Variants in DISC1 observed in about 807,000 individuals in gnomAD.
The protein encoded by DISC1 is disrupted in schizophrenia 1 protein.
In DISC1, 57 loss-of-function variants were observed where a neutral mutation model predicts 84.5. The ratio of observed to expected loss-of-function variants is 0.67; its 90% confidence interval spans 0.55 to 0.84. The LOEUF (loss-of-function observed/expected upper bound fraction) is 0.84. Ranked by LOEUF, DISC1 falls within the 40% of genes least tolerant of loss-of-function variation. DISC1 has a pLI of 0.00. For synonymous variants in DISC1, 411 were observed against 415.2 expected, an observed-to-expected ratio of 0.99 and a Z score of 0.12; for missense variants, 1,000 against 1,057.8, an observed-to-expected ratio of 0.95 and a Z score of 0.76.
intron 10 of DISC1, among the ~76,000 whole-genome samples, chr1:231,984,825 G>C (rs1019834158): frequency 1.3e-5 from 2 of 152,182 alleles, no homozygotes; most frequent in Non-Finnish European, 2.9e-5. Flanking sequence ...AGGAAAGGGA[G>C]ATGTAGATTA....
rs76016105 is a variant in DISC1 at position 231,986,721 on chromosome 1, C to T, written c.2043-22064C>T. 2.5e-3 allele frequency among the ~76,000 whole-genome samples: 388 copies of T among 152,300 alleles called. 18 individuals are homozygous for T. In the East Asian group the frequency reaches 0.065, roughly 26 times the overall value. On this transcript the variant is annotated intron_variant, in intron 10 of 12. Coordinates refer to ENST00000439617, the MANE Select transcript of DISC1 (RefSeq NM_018662.3). ...TTAGAGTCAAAGGAAAACAATCCCC[C>T]ACAGCAAGGAGCCTGTCACTTCACT...
intron 4 of DISC1, among the ~76,000 whole-genome samples, chr1:231,757,311 G>A (rs886379477): frequency 6.6e-6 from 1 of 152,056 alleles, no homozygotes; most frequent in East Asian, 1.9e-4. Context: ...TGAGTTATTC[G>A]TTCACTCCTT....
At position 231,774,569 on chromosome 1, in the gene DISC1, G is replaced by T. The variant is rs568092691; in HGVS notation, c.1634+3499G>T. On this transcript the variant is annotated intron_variant, in intron 6 of 12. Coordinates refer to ENST00000439617, the MANE Select transcript of DISC1 (RefSeq NM_018662.3). ...CTTTGAGGTGCAGGGAGGTATCGCC[G>T]CATCTGGAGGGCAGTGTGGGCTGTG... The T allele has an allele frequency of 6.8e-4, 259 of 382,016 alleles. 3 individuals carry two copies. The highest frequency in any genetic ancestry group is 4.9e-3 in the South Asian group (250 of 51,538). 23.7% of individuals were successfully genotyped at this position (382,016 alleles called of 1,614,324 possible).
At chr1:231,846,530 C>T (rs1388276105) in intron 9 of DISC1, among the ~76,000 whole-genome samples, 1 of 152,190 alleles carries the variant, frequency 6.6e-6, no homozygotes, top group East Asian at 1.9e-4. Flanking sequence ...TCGTCGCATT[C>T]TCTTGCTTCT....
intron 9 of DISC1, among the ~76,000 whole-genome samples, chr1:231,876,193 A>G (rs1157602082): frequency 6.6e-6 from 1 of 152,188 alleles, no homozygotes. Context: ...ATAGTTTAGC[A>G]CTATCCCCCG....
chr1:231,889,447 C>T (rs1208655081), intron 9 of DISC1, among the ~76,000 whole-genome samples: 1 of 152,186 alleles, frequency 6.6e-6, no homozygotes, highest in South Asian at 2.1e-4. Flanking sequence ...TTCCAATCAT[C>T]GCTGGTGTGA....
chr1:231,761,452 C>T (rs2075655882), intron 4 of DISC1, among the ~76,000 whole-genome samples: 1 of 152,152 alleles, frequency 6.6e-6, no homozygotes, highest in Non-Finnish European at 1.5e-5. Context: ...ACAGTGTGTC[C>T]TGGGGCCATC....
intron 10 of DISC1, among the ~76,000 whole-genome samples, chr1:231,996,444 A>G (rs1235986151): frequency 6.6e-6 from 1 of 152,176 alleles, no homozygotes; most frequent in Non-Finnish European, 1.5e-5. Flanking sequence ...GGTAATGCCT[A>G]GGTTCTCTTC....
intron 7 of DISC1, among the ~76,000 whole-genome samples, chr1:231,799,020 G>A (rs996500195): frequency 3.3e-5 from 5 of 152,014 alleles, no homozygotes; most frequent in Admixed American, 3.3e-4. Flanking sequence ...GATAACATTG[G>A]CATATGAAAA....
At chr1:231,884,923 G>A (rs1203208314) in intron 9 of DISC1, among the ~76,000 whole-genome samples, 1 of 152,116 alleles carries the variant, frequency 6.6e-6, no homozygotes, top group Non-Finnish European at 1.5e-5. Flanking sequence ...ATAAGGAGAG[G>A]CTTTCCTTTG....
chr1:231,997,806 G>A (rs1385876153), intron 10 of DISC1, among the ~76,000 whole-genome samples: 1 of 152,162 alleles, frequency 6.6e-6, no homozygotes, highest in Non-Finnish European at 1.5e-5. Context: ...GCACAAGTGA[G>A]GGCCTTGGCA....
chr1:231,978,482 G>T lies in DISC1; in HGVS notation c.2042+19594G>T, dbSNP rs1245806906. 3.3e-5 allele frequency among the ~76,000 whole-genome samples: 5 copies of T among 152,294 alleles called. No individual in the cohort carries two copies. In the East Asian group the frequency reaches 9.7e-4, roughly 29 times the overall value. ...TACAATTTATGAAAGAAAGACAGGAGAAATGTCTAATTCTTTCTCCTAATG... is the reference window on the plus strand; with the variant it reads ...TACAATTTATGAAAGAAAGACAGGATAAATGTCTAATTCTTTCTCCTAATG... On this transcript the variant is annotated intron_variant, in intron 10 of 12. Coordinates refer to ENST00000439617, the MANE Select transcript of DISC1 (RefSeq NM_018662.3).
chr1:231,960,453 A>G (rs868263573), intron 10 of DISC1, among the ~76,000 whole-genome samples: 4 of 152,082 alleles, frequency 2.6e-5, no homozygotes, highest in South Asian at 2.1e-4. Context: ...GAGTTTCACC[A>G]TGTTAGTCAG....
chr1:231,789,047 A>T (rs886377231), intron 6 of DISC1, among the ~76,000 whole-genome samples: 9 of 152,276 alleles, frequency 5.9e-5, no homozygotes, highest in Non-Finnish European at 8.8e-5. Flanking sequence ...AAAGGCAGAA[A>T]TAAATAACAA....
At chr1:231,743,605 A>T (rs1044443453) in intron 3 of DISC1, among the ~76,000 whole-genome samples, 1 of 152,238 alleles carries the variant, frequency 6.6e-6, no homozygotes, top group Non-Finnish European at 1.5e-5. Flanking sequence ...GCTTGGTGTC[A>T]GTTAAGGAAT....
At chr1:231,851,044 G>A (rs555644653) in intron 9 of DISC1, among the ~76,000 whole-genome samples, 7 of 152,224 alleles carry the variant, frequency 4.6e-5, no homozygotes, top group South Asian at 2.1e-4. Flanking sequence ...TGGAGAGGTC[G>A]GTATGCCCTG....
rs1382394377 is a variant in DISC1, at chr1:231,948,938, C to T, written c.1982-9890C>T. Reference sequence around the variant, plus strand: ...AGGCTGGAGTGCAGTGGTGCGATCTCGGCTCACTGCAACCTCCGCCTCCTG... The same window carrying T: ...AGGCTGGAGTGCAGTGGTGCGATCTTGGCTCACTGCAACCTCCGCCTCCTG... On this transcript the variant is annotated intron_variant, in intron 9 of 12. Transcript: ENST00000439617. Among the ~76,000 whole-genome samples, 7 of 142,152 alleles carry T rather than the reference C, an allele frequency of 4.9e-5. No individual in the cohort carries two copies. In the South Asian group the frequency reaches 1.1e-3, roughly 23 times the overall value. 93.3% of individuals were successfully genotyped at this position (142,152 alleles called of 152,430 possible). A position where few individuals can be genotyped will look rare whatever the true frequency, so the allele number is the denominator to read the frequency against.
intron 9 of DISC1, among the ~76,000 whole-genome samples, chr1:231,909,543 C>A (rs1040942974): frequency 1.3e-4 from 20 of 152,272 alleles, no homozygotes; most frequent in African/African-American, 4.3e-4. Context: ...AGTGGACAAG[C>A]TTTTTGATGT....
At chr1:231,972,664 T>C (rs1662167395) in intron 10 of DISC1, among the ~76,000 whole-genome samples, 1 of 152,170 alleles carries the variant, frequency 6.6e-6, no homozygotes, top group Admixed American at 6.5e-5. Flanking sequence ...GGCTTCAGAT[T>C]CCATGCATAA....
Sources: gnomAD v4.1 joint callset for allele counts (sites outside exome capture counted in the v4.1 genomes callset) on GRCh38, gnomAD v4.1.1 for gene constraint, MANE v1.5 for transcripts, NCBI Gene and HGNC (gene_info 2026-07-23, HGNC 2026-07-21) for gene names.